Variants in ADGRL2 observed in about 807,000 individuals in gnomAD.
ADGRL2 encodes the protein adhesion G protein-coupled receptor L2, also known as calcium-independent alpha-latrotoxin receptor 2.
Under a neutral mutation model 157.4 loss-of-function variants are expected in ADGRL2, and 44 were observed. That is an observed-to-expected ratio of 0.28 (90% CI 0.22 to 0.36). The LOEUF is 0.36. Among genes scored for constraint, ADGRL2 ranks in the 10% least tolerant of loss-of-function variants. The pLI, the probability that ADGRL2 is intolerant of heterozygous loss-of-function variation, is 1.00. For synonymous variants in ADGRL2, 585 were observed against 624.7 expected, an observed-to-expected ratio of 0.94 and a Z score of 0.95; for missense variants, 1,510 against 1,768.9, an observed-to-expected ratio of 0.85 and a Z score of 2.63.
Position 81,959,405 on chromosome 1 carries a change from C to A in ADGRL2, c.2017+3345C>A, listed in dbSNP as rs550273888. Reference sequence around the variant, plus strand: ...TTCTTTTTATATTATTGTTGTAAGTCTTTTTGTCAGAAATATGCATTCTGA... The same window carrying A: ...TTCTTTTTATATTATTGTTGTAAGTATTTTTGTCAGAAATATGCATTCTGA... On this transcript the variant is annotated intron_variant, in intron 11 of 23. Transcript: ENST00000686636. Among the ~76,000 whole-genome samples the A allele has an allele frequency of 3.3e-5, 5 of 152,124 alleles. No homozygotes were observed. The South Asian group carries it at 1.0e-3, about 32-fold the overall frequency.
chr1:81,794,745 A>G (rs1322241940), intron 2 of ADGRL2, among the ~76,000 whole-genome samples: 2 of 152,174 alleles, frequency 1.3e-5, no homozygotes, highest in African/African-American at 4.8e-5. Flanking sequence ...TTTCATACTG[A>G]CCTTAAGAAT....
At chr1:81,864,481 C>T (rs953900368) in intron 2 of ADGRL2, among the ~76,000 whole-genome samples, 3 of 152,066 alleles carry the variant, frequency 2.0e-5, no homozygotes, top group African/African-American at 7.2e-5. Context: ...ATGAATTGAC[C>T]TATGACATAT....
intron 11 of ADGRL2, among the ~76,000 whole-genome samples, chr1:81,960,605 G>T (rs1382396721): frequency 6.6e-6 from 1 of 151,996 alleles, no homozygotes; most frequent in Admixed American, 6.6e-5. Flanking sequence ...CTCCCGAGTA[G>T]CTGGGATTAT....
At chr1:81,485,459 T>A (rs1208757313) in intron 2 of ADGRL2, among the ~76,000 whole-genome samples, 1 of 152,188 alleles carries the variant, frequency 6.6e-6, no homozygotes. Flanking sequence ...GTGTATCTGA[T>A]ATTAAAGCAG....
At chr1:81,703,042 A>G (rs1329131508) in intron 1 of ADGRL2, among the ~76,000 whole-genome samples, 1 of 152,232 alleles carries the variant, frequency 6.6e-6, no homozygotes, top group Non-Finnish European at 1.5e-5. Context: ...AGGATGGTCA[A>G]TCGCGCTGAT....
intron 2 of ADGRL2, among the ~76,000 whole-genome samples, chr1:81,528,998 A>G (rs998630554): frequency 7.9e-5 from 12 of 152,262 alleles, no homozygotes; most frequent in African/African-American, 2.9e-4. Context: ...CTAAGAGCAC[A>G]TGGAGCCAAA....
intron 1 of ADGRL2, among the ~76,000 whole-genome samples, chr1:81,369,893 A>G (rs1002017170): frequency 6.6e-6 from 1 of 152,158 alleles, no homozygotes; most frequent in African/African-American, 2.4e-5. Flanking sequence ...GCTTTTTGGA[A>G]CTGAGGTACT....
chr1:81,451,488 C>T (rs886143269), intron 2 of ADGRL2, among the ~76,000 whole-genome samples: 3 of 152,054 alleles, frequency 2.0e-5, no homozygotes, highest in Admixed American at 2.0e-4. Flanking sequence ...TTTTGTATTT[C>T]TTTCTAGCCC....
intron 3 of ADGRL2, among the ~76,000 whole-genome samples, chr1:81,684,835 C>T (rs2083196335): frequency 6.6e-6 from 1 of 152,184 alleles, no homozygotes; most frequent in Non-Finnish European, 1.5e-5. Context: ...GATCCAGTTT[C>T]ATTCTCCTAC....
intron 3 of ADGRL2, among the ~76,000 whole-genome samples, chr1:81,912,928 A>G (rs1017898704): frequency 3.3e-5 from 5 of 152,222 alleles, no homozygotes; most frequent in African/African-American, 9.6e-5. Context: ...ATGAATAAAT[A>G]TAAGACCTGA....
rs1049915817 is a variant in ADGRL2, at chr1:81,540,580, G to T, written c.-247-40296G>T. 2.0e-5 allele frequency among the ~76,000 whole-genome samples: 3 copies of T among 152,212 alleles called. No individual in the cohort carries two copies. The East Asian group carries it at 5.8e-4, about 29-fold the overall frequency. ...GGCCAGAGGCCTTAGAATCAAAGGA[G>T]CTGCTTGTGCACATTGTGGGACTAG... On this transcript the variant is annotated intron_variant, in intron 2 of 24. Transcript: ENST00000370721.
At chr1:81,665,606 A>C (rs2082736267) in intron 3 of ADGRL2, among the ~76,000 whole-genome samples, 1 of 152,140 alleles carries the variant, frequency 6.6e-6, no homozygotes, top group South Asian at 2.1e-4. Flanking sequence ...CCTGTTGAGA[A>C]GCATGTTAGG....
At chr1:81,373,997 C>T (rs2076203789) in intron 1 of ADGRL2, among the ~76,000 whole-genome samples, 1 of 152,012 alleles carries the variant, frequency 6.6e-6, no homozygotes, top group Admixed American at 6.6e-5. Flanking sequence ...TTCAAGGATA[C>T]CGTGGATAAG....
intron 3 of ADGRL2, among the ~76,000 whole-genome samples, chr1:81,650,108 T>C (rs568794344): frequency 3.3e-5 from 5 of 151,744 alleles, no homozygotes; most frequent in Admixed American, 1.3e-4. Context: ...TCAGTGTATA[T>C]GTGACTTCTA....
At chr1:81,549,892 A>T (rs2080103843) in intron 2 of ADGRL2, among the ~76,000 whole-genome samples, 1 of 152,072 alleles carries the variant, frequency 6.6e-6, no homozygotes, top group African/African-American at 2.4e-5. Flanking sequence ...TCCCAAGTAG[A>T]CAGTAATCAC....
chr1:81,786,021 T>C (rs2087028481), intron 2 of ADGRL2, among the ~76,000 whole-genome samples: 1 of 151,968 alleles, frequency 6.6e-6, no homozygotes, highest in African/African-American at 2.4e-5. Flanking sequence ...GGGGGACTGC[T>C]TGAGCCTGGG....
intron 2 of ADGRL2, among the ~76,000 whole-genome samples, chr1:81,794,634 A>T (rs1380352727): frequency 6.6e-6 from 1 of 152,176 alleles, no homozygotes; most frequent in Admixed American, 6.5e-5. Context: ...TTTTAATATG[A>T]TTCTAAATTT....
chr1:81,733,380 G>T (rs1329227306), intron 1 of ADGRL2, among the ~76,000 whole-genome samples: 60 of 152,234 alleles, frequency 3.9e-4, no homozygotes. Flanking sequence ...TGAGACCAAG[G>T]TGCTGGCAAG....
chr1:81,665,356 A>G, intron 3 of ADGRL2, among the ~76,000 whole-genome samples: 1 of 152,178 alleles, frequency 6.6e-6, no homozygotes, highest in East Asian at 1.9e-4. Context: ...CTATGTATAT[A>G]AACATCTGTT....
Sources: allele counts gnomAD v4.1 joint callset (sites outside exome capture counted in the v4.1 genomes callset), GRCh38; gene constraint gnomAD v4.1.1; transcripts MANE v1.5; gene names NCBI Gene and HGNC (gene_info 2026-07-23, HGNC 2026-07-21).